The following NGRN variants were observed in gnomAD, a reference collection of about 807,000 sequenced individuals.
NGRN encodes neugrin.
NGRN carries 12 observed loss-of-function variants against 13.1 expected under a neutral mutation model. The ratio of observed to expected loss-of-function variants is 0.92; its 90% CI spans 0.59 to 1.49. The LOEUF (loss-of-function observed/expected upper bound fraction) is 1.49, where lower values mean the gene tolerates loss of function less well. NGRN is among the 40% of genes most tolerant of loss of function. The pLI is 0.00. For synonymous variants in NGRN, 149 were observed against 145.8 expected, an observed-to-expected ratio of 1.02 and a Z score of -0.16; for missense variants, 397 against 357.0, an observed-to-expected ratio of 1.11 and a Z score of -0.90.
chr15:90,265,736 G>A lies in NGRN; in HGVS notation c.24G>A (p.Leu8=), dbSNP rs144264783. ...ACATGGCGGTTACCCTGAGTCTCTT[G>A]CTGGGCGGGCGCGTTTGCGCCGCCG... is the stretch of plus-strand genomic sequence containing the variant. MAVTLSL[L]LGGRVCAAVT... Residue 8 remains leucine (L), a synonymous_variant, in exon 1 of 3, where the codon TTG becomes TTA. Transcript: ENST00000379095. 25 of 1,613,210 alleles carry A rather than the reference G, an allele frequency of 1.5e-5. No individual in the cohort carries two copies. Among genetic ancestry groups the A allele is most frequent in the Non-Finnish European group, 1.9e-5 (23 of 1,179,864 alleles).
Position 90,272,104 on chromosome 15 carries a change from GT to G in NGRN, c.*319del. The G allele has an allele frequency of 3.2e-6, 1 of 312,132 alleles. No individual in the cohort carries two copies. The highest frequency in any genetic ancestry group is 6.0e-6 in the Non-Finnish European group (1 of 167,552). 19.3% of individuals were successfully genotyped at this position (312,132 alleles called of 1,614,324 possible). A position where few individuals can be genotyped will look rare whatever the true frequency, so the allele number is the denominator to read the frequency against. ...ATTTATGTTTGAGAAGAAGTGAAAA[GT>G]TTGCCTTCTGACCTCATTTCCTTCT... On this transcript the variant is annotated 3_prime_UTR_variant, in exon 3 of 3. Transcript: ENST00000379095.
chr15:90,269,178 T>A (rs1335748684), intron 2 of NGRN, among the ~76,000 whole-genome samples: 1 of 137,102 alleles, frequency 7.3e-6, no homozygotes, highest in African/African-American at 2.8e-5. Flanking sequence ...TTTTTTTTTT[T>A]TTTTTTTTTG....
At position 90,265,695 on chromosome 15, in the gene NGRN, A is replaced by G. The variant is rs1963400272; in HGVS notation, c.-18A>G. 7.4e-6 allele frequency: 12 copies of G among 1,612,864 alleles called. No individual in the cohort carries two copies. The highest frequency in any genetic ancestry group is 6.7e-5 in the East Asian group (3 of 44,868). On this transcript the variant is annotated 5_prime_UTR_variant, in exon 1 of 3. Coordinates refer to ENST00000379095, the MANE Select transcript of NGRN (RefSeq NM_001033088.3). ...CTGCTGTTTCGTAGCCGACTGCTGA[A>G]GGCTGGTTTGCGTCGACATGGCGGT...
chr15:90,268,945 CA>C (rs771274709), intron 2 of NGRN, among the ~76,000 whole-genome samples: 4,002 of 15,652 alleles, frequency 0.26, 12 homozygotes, highest in Middle Eastern at 0.42. Context: ...TGCTTTCTCC[CA>C]CCCCCCCCCC....
intron 2 of NGRN, among the ~76,000 whole-genome samples, chr15:90,267,377 C>T (rs185180675): frequency 3.9e-5 from 6 of 152,122 alleles, no homozygotes; most frequent in Non-Finnish European, 7.4e-5. Context: ...AGGCTCTGTG[C>T]CCTGAGTGAG....
chr15:90,271,641 C>A lies in NGRN; in HGVS notation c.729C>A (p.Ser243Arg). 6.2e-7 allele frequency: 1 copy of A among 1,614,146 alleles called. No homozygotes were observed. Among genetic ancestry groups the A allele is most frequent in the Non-Finnish European group, 8.5e-7 (1 of 1,180,032 alleles). Residue 243 changes from serine (S) to arginine (R), a missense_variant, in exon 3 of 3, where the codon AGC becomes AGA. Transcript: ENST00000379095. ...AGAAGTACTCCAGTGATTCTGAGAG[C>A]CCCAGAGGAACTGGCAGTGGTGCGT... ...ELQKYSSDSESPRGTGSGALP... is the reference protein window; with the variant it reads ...ELQKYSSDSERPRGTGSGALP...
chr15:90,271,273 G>C lies in NGRN; in HGVS notation c.361G>C (p.Val121Leu). Residue 121 changes from valine to leucine, a missense_variant, in exon 3 of 3, where the codon GTT becomes CTT. Coordinates refer to ENST00000379095, the MANE Select transcript of NGRN (RefSeq NM_001033088.3). Reference protein sequence around the residue: ...FDVSTDVIRRVLKSKFLPTLE... With the variant: ...FDVSTDVIRRLLKSKFLPTLE... ...TGTCAGCACTGATGTGATCCGAAGA[G>C]TTTTAAAAAGCAAGTTTTTACCCAC... 1 of 1,614,138 alleles carries C rather than the reference G, an allele frequency of 6.2e-7. No individual in the cohort carries two copies. Among genetic ancestry groups the C allele is most frequent in the Non-Finnish European group, 8.5e-7 (1 of 1,180,048 alleles).
chr15:90,265,704 T>C lies in NGRN; in HGVS notation c.-9T>C, dbSNP rs749386919. On this transcript the variant is annotated 5_prime_UTR_variant, in exon 1 of 3. Transcript: ENST00000379095. ...CGTAGCCGACTGCTGAAGGCTGGTT[T>C]GCGTCGACATGGCGGTTACCCTGAG... 1 of 1,613,244 alleles carries C rather than the reference T, an allele frequency of 6.2e-7. No homozygotes were observed. Among genetic ancestry groups the C allele is most frequent in the Non-Finnish European group, 8.5e-7 (1 of 1,179,872 alleles).
rs772915506 is a variant in NGRN, at chr15:90,271,470, T to A, written c.558T>A (p.Asn186Lys). The change falls in exon 3 of 3, where the codon AAT becomes AAA. Residue 186 changes from asparagine to lysine, a missense_variant. By Grantham distance (94) the Asn-to-Lys change is moderately conservative (BLOSUM62 0). Coordinates refer to ENST00000379095, the MANE Select transcript of NGRN (RefSeq NM_001033088.3). The stretch of plus-strand genomic sequence containing the variant: ...ATGAAGCCTCATCTAAAGACCCAAA[T>A]CACAGCACAGCTTTGAAAGTGATAG... ...PGHEASSKDPNHSTALKVIES... is the reference protein window; with the variant it reads ...PGHEASSKDPKHSTALKVIES... The A allele has an allele frequency of 1.9e-6, 3 of 1,613,786 alleles. No individual in the cohort carries two copies. The highest frequency in any genetic ancestry group is 3.3e-5 in the Admixed American group (2 of 59,960).
In NGRN at chr15:90,272,077, C is replaced by G. The variant is rs551328358; in HGVS notation, c.*289C>G. ...TTGTTACAATTTTCTGTGATACTTG[C>G]AATTTATGTTTGAGAAGAAGTGAAA... On this transcript the variant is annotated 3_prime_UTR_variant, in exon 3 of 3. Transcript: ENST00000379095. The G allele has an allele frequency of 1.6e-4, 58 of 372,982 alleles. No individual in the cohort carries two copies. Among genetic ancestry groups the G allele is most frequent in the South Asian group, 9.3e-4 (15 of 16,170 alleles). The allele number at this position is 372,982 out of a possible 1,614,324, so 23.1% of individuals were successfully genotyped here. A position where few individuals can be genotyped will look rare whatever the true frequency, so the allele number is the denominator to read the frequency against.
Position 90,269,276 on chromosome 15 carries a change from A to G in NGRN, c.276-1912A>G, listed in dbSNP as rs1488204557. 2.7e-5 allele frequency among the ~76,000 whole-genome samples: 4 copies of G among 150,086 alleles called. No individual in the cohort carries two copies. The East Asian group carries it at 7.8e-4, about 29-fold the overall frequency. ...GTGATCTGCCTGCCTTAGCCTCCCAAAAGTGCTGGGATTACAGGCGGGCGT... is the reference window on the plus strand; with the variant it reads ...GTGATCTGCCTGCCTTAGCCTCCCAGAAGTGCTGGGATTACAGGCGGGCGT... On this transcript the variant is annotated intron_variant, in intron 2 of 2. Transcript: ENST00000379095.
At chr15:90,265,915 C>G (rs1167373090) in intron 1 of NGRN, 39 bp downstream of exon 1, 26 of 1,452,166 alleles carry the variant, frequency 1.8e-5, no homozygotes, top group Non-Finnish European at 2.2e-5. Flanking sequence ...TGAAGCAGGG[C>G]CTCGTGCCCC....
At chr15:90,267,490 T>G (rs968644182) in intron 2 of NGRN, among the ~76,000 whole-genome samples, 1 of 152,170 alleles carries the variant, frequency 6.6e-6, no homozygotes. Context: ...AATTTTTATT[T>G]AAACAATTTT....
chr15:90,266,448 A>G, intron 2 of NGRN, 50 bp downstream of exon 2: 1 of 1,446,930 alleles, frequency 6.9e-7, no homozygotes, highest in Non-Finnish European at 9.4e-7. Context: ...GAAGTGAAGG[A>G]TGCTGGAGCC....
chr15:90,265,744 G>A lies in NGRN; in HGVS notation c.32G>A (p.Gly11Glu), dbSNP rs993563497. The stretch of plus-strand genomic sequence containing the variant: ...GTTACCCTGAGTCTCTTGCTGGGCG[G>A]GCGCGTTTGCGCCGCCGTCACTCGC... The part of the protein sequence containing the change: MAVTLSLLLG[G>E]RVCAAVTRCG... Residue 11 changes from glycine to glutamate, a missense_variant, in exon 1 of 3, where the codon GGG becomes GAG. Physicochemically the swap from Gly to Glu is moderately conservative, Grantham distance 98. Transcript: ENST00000379095. 6.2e-7 allele frequency: 1 copy of A among 1,613,264 alleles called. No individual in the cohort carries two copies.
intron 1 of NGRN, 119 bp downstream of exon 1, chr15:90,265,995 C>T (rs1009945795): frequency 3.6e-6 from 5 of 1,399,092 alleles, no homozygotes; most frequent in Non-Finnish European, 4.6e-6. Flanking sequence ...CTTGTTTCTT[C>T]TTACCCGTTG....
rs768217917 is a variant in NGRN, at chr15:90,265,842, G to C, written c.130G>C (p.Glu44Gln). ...GGAGCCGGACCCCGATTCCGACTGG[G>C]AGCCGGAGGAACGGGAGCTGCAGGA... is the stretch of plus-strand genomic sequence containing the variant. ...GREPDPDSDWEPEERELQEVE... is the reference protein window; with the variant it reads ...GREPDPDSDWQPEERELQEVE... The change falls in exon 1 of 3, where the codon GAG becomes CAG. Residue 44 changes from glutamate to glutamine, a missense_variant. Coordinates refer to ENST00000379095, the MANE Select transcript of NGRN (RefSeq NM_001033088.3). The C allele has an allele frequency of 1.9e-6, 3 of 1,607,392 alleles. No homozygotes were observed. The highest frequency in any genetic ancestry group is 1.7e-5 in the Admixed American group (1 of 59,222).
chr15:90,266,202 T>A, intron 1 of NGRN, 86 bp from the exon 2 acceptor site: 1 of 1,520,548 alleles, frequency 6.6e-7, no homozygotes, highest in Non-Finnish European at 8.8e-7. Flanking sequence ...AGAAGAGGGC[T>A]GGGCGCTCCA....
chr15:90,268,365 T>C (rs755008868), intron 2 of NGRN, among the ~76,000 whole-genome samples: 40 of 147,734 alleles, frequency 2.7e-4, no homozygotes, highest in Non-Finnish European at 5.8e-4. Flanking sequence ...TCTCCCTTTA[T>C]TGTGGTCAAT....
Sources: allele counts gnomAD v4.1 joint callset (sites outside exome capture counted in the v4.1 genomes callset), GRCh38; gene constraint gnomAD v4.1.1; transcripts MANE v1.5; gene names NCBI Gene and HGNC (gene_info 2026-07-23, HGNC 2026-07-21).